NSL1: variants seen among roughly 807,000 people sequenced by gnomAD.
The protein encoded by NSL1 is NSL1 component of MIS12 kinetochore complex.
In NSL1, 11 loss-of-function variants were observed where a neutral mutation model predicts 25.4. That is an observed-to-expected ratio of 0.43 (90% CI 0.27 to 0.72). The LOEUF (loss-of-function observed/expected upper bound fraction) is 0.72, where lower values mean the gene tolerates loss of function less well. Among genes scored for constraint, NSL1 ranks in the 30% least tolerant of loss-of-function variants. The pLI is 0.19. For missense variants in NSL1, 330 were observed against 342.7 expected, an observed-to-expected ratio of 0.96 and a Z score of 0.29; for synonymous variants, 118 against 120.6, an observed-to-expected ratio of 0.98 and a Z score of 0.14.
At chr1:212,771,901 CTTG>C (rs1348459101) in intron 4 of NSL1, among the ~76,000 whole-genome samples, 19 of 152,304 alleles carry the variant, frequency 1.2e-4, no homozygotes, top group African/African-American at 4.6e-4. Flanking sequence ...CAAATCTCAT[CTTG>C]AATTGTAGCT....
chr1:212,755,369 T>C (rs1427736571), intron 4 of NSL1, among the ~76,000 whole-genome samples: 1 of 151,922 alleles, frequency 6.6e-6, no homozygotes, highest in Non-Finnish European at 1.5e-5. Flanking sequence ...TATATGGAGA[T>C]GTTAATGGAA....
At chr1:212,740,970 AAGTT>A (rs2102430415) in intron 4 of NSL1, among the ~76,000 whole-genome samples, 1 of 152,348 alleles carries the variant, frequency 6.6e-6, no homozygotes, top group East Asian at 1.9e-4. Context: ...AACAGAAAGA[AAGTT>A]AGTGATACTG....
At position 212,728,769 on chromosome 1, in the gene NSL1, G is replaced by A. The variant is rs762364588; in HGVS notation, c.*9639C>T. The A allele has an allele frequency of 6.5e-5, 64 of 985,232 alleles. No individual in the cohort carries two copies. The highest frequency in any genetic ancestry group is 7.6e-5 in the Non-Finnish European group (63 of 829,922). The allele number at this position is 985,232 out of a possible 1,614,324, so 61.0% of individuals were successfully genotyped here. ...ACCGTCCCCTTTGTTGCCACATCTC[G>A]CAGCTTCTCCCTTCTGTTTTTCCTC... On this transcript the variant is annotated 3_prime_UTR_variant, in exon 6 of 6. Transcript: ENST00000366977.
At chr1:212,767,417 A>G (rs1284579379) in intron 4 of NSL1, among the ~76,000 whole-genome samples, 1 of 152,190 alleles carries the variant, frequency 6.6e-6, no homozygotes, top group African/African-American at 2.4e-5. Flanking sequence ...ACAAAAATCG[A>G]CTCAAGATCG....
intron 4 of NSL1, among the ~76,000 whole-genome samples, chr1:212,776,725 ACAAC>A (rs1192438790): frequency 2.0e-5 from 3 of 149,248 alleles, no homozygotes; most frequent in African/African-American, 7.6e-5. Context: ...AAACAAAACA[ACAAC>A]AACAACAACA....
Position 212,732,598 on chromosome 1 carries a change from T to C in NSL1, c.*5810A>G, listed in dbSNP as rs1571856222. 1.0e-6 allele frequency: 1 copy of C among 984,974 alleles called. No individual in the cohort carries two copies. Among genetic ancestry groups the C allele is most frequent in the Non-Finnish European group, 1.2e-6 (1 of 829,678 alleles). 61.0% of individuals were successfully genotyped at this position (984,974 alleles called of 1,614,324 possible). On this transcript the variant is annotated 3_prime_UTR_variant, in exon 6 of 6. Coordinates refer to ENST00000366977, the MANE Select transcript of NSL1 (RefSeq NM_015471.4). ...TGTGAGCCACCGCACCCGGCCTACA[T>C]AGTCTTATTCCAACCTGGTCTGCCT...
Position 212,737,925 on chromosome 1 carries a change from C to T in NSL1, c.*483G>A. 1.0e-6 allele frequency: 1 copy of T among 985,444 alleles called. No individual in the cohort carries two copies. Among genetic ancestry groups the T allele is most frequent in the Non-Finnish European group, 1.2e-6 (1 of 830,098 alleles). 61.0% of individuals were successfully genotyped at this position (985,444 alleles called of 1,614,324 possible). A position where few individuals can be genotyped will look rare whatever the true frequency, so the allele number is the denominator to read the frequency against. On this transcript the variant is annotated 3_prime_UTR_variant, in exon 6 of 6. Transcript: ENST00000366977. The stretch of plus-strand genomic sequence containing the variant: ...TCATCAGCACATTAATTTGATAAAT[C>T]AAACTACATCTTTAAAAAAAAACCC...
intron 4 of NSL1, among the ~76,000 whole-genome samples, chr1:212,752,871 C>T (rs1171774081): frequency 6.9e-6 from 1 of 145,426 alleles, no homozygotes; most frequent in Non-Finnish European, 1.5e-5. Flanking sequence ...AAAAGCCTGC[C>T]CAAATTCAGA....
Position 212,729,895 on chromosome 1 carries a change from G to C in NSL1, c.*8513C>G. The C allele has an allele frequency of 1.0e-6, 1 of 985,340 alleles. No homozygotes were observed. Among genetic ancestry groups the C allele is most frequent in the Admixed American group, 6.1e-5 (1 of 16,270 alleles). The allele number at this position is 985,340 out of a possible 1,614,324, so 61.0% of individuals were successfully genotyped here. A position where few individuals can be genotyped will look rare whatever the true frequency, so the allele number is the denominator to read the frequency against. ...TGACCCAGGCAGCAAGGACCCTGAG[G>C]GGGCAGGTAACCAGAAGCTGCCTTG... On this transcript the variant is annotated 3_prime_UTR_variant, in exon 6 of 6. Coordinates refer to ENST00000366977, the MANE Select transcript of NSL1 (RefSeq NM_015471.4).
In NSL1 at chr1:212,761,288, C is replaced by T. The variant is rs547832187; in HGVS notation, c.499+21084G>A. Among the ~76,000 whole-genome samples, 41 of 152,206 alleles carry T rather than the reference C, an allele frequency of 2.7e-4. No homozygotes were observed. In the South Asian group the frequency reaches 7.3e-3, roughly 27 times the overall value. ...CTATAGGACAGGCATTGTGGCTCAC[C>T]CCTGTAATCCTAGCATTTTGGGAGG... On this transcript the variant is annotated intron_variant, in intron 4 of 5. Transcript: ENST00000366977.
chr1:212,757,662 T>C (rs1314693711), intron 4 of NSL1, among the ~76,000 whole-genome samples: 1 of 151,902 alleles, frequency 6.6e-6, no homozygotes, highest in Non-Finnish European at 1.5e-5. Flanking sequence ...AGCTCTCAGG[T>C]GAATTCAGAG....
chr1:212,741,099 T>C (rs1658481469), intron 4 of NSL1, among the ~76,000 whole-genome samples: 1 of 152,214 alleles, frequency 6.6e-6, no homozygotes, highest in African/African-American at 2.4e-5. Flanking sequence ...AGGAGGGTCC[T>C]AAGGATCCTT....
chr1:212,737,614 T>A lies in NSL1; in HGVS notation c.*794A>T. On this transcript the variant is annotated 3_prime_UTR_variant, in exon 6 of 6. Coordinates refer to ENST00000366977, the MANE Select transcript of NSL1 (RefSeq NM_015471.4). ...AAATAGTTCAATAACACAATGACAC[T>A]TTGCCAGTGTATTAATCTGATATAT... 1.1e-6 allele frequency: 1 copy of A among 949,472 alleles called. No homozygotes were observed. The highest frequency in any genetic ancestry group is 1.3e-6 in the Non-Finnish European group (1 of 797,054). The allele number at this position is 949,472 out of a possible 1,614,324, so 58.8% of individuals were successfully genotyped here.
intron 4 of NSL1, among the ~76,000 whole-genome samples, chr1:212,770,239 A>G (rs11808846): frequency 0.23 from 34,497 of 152,088 alleles, 4,629 homozygotes; most frequent in African/African-American, 0.38. Flanking sequence ...AATAGTAGTC[A>G]AGGACTTCAA....
rs1030371120 is a variant in NSL1, at chr1:212,736,575, G to A, written c.*1833C>T. ...TTTTCTTAGTTAATAATGCTAATAC[G>A]TACTGTCTTTCCCAGTGGTATTTCT... On this transcript the variant is annotated 3_prime_UTR_variant, in exon 6 of 6. Coordinates refer to ENST00000366977, the MANE Select transcript of NSL1 (RefSeq NM_015471.4). 4.2e-5 allele frequency: 41 copies of A among 984,770 alleles called. No homozygotes were observed. The highest frequency in any genetic ancestry group is 1.4e-4 in the South Asian group (3 of 21,280). 61.0% of individuals were successfully genotyped at this position (984,770 alleles called of 1,614,324 possible).
chr1:212,771,051 C>T (rs1158241276), intron 4 of NSL1, among the ~76,000 whole-genome samples: 2 of 152,184 alleles, frequency 1.3e-5, no homozygotes, highest in Admixed American at 6.5e-5. Context: ...CAGCAGCTCA[C>T]GCCTATAATC....
chr1:212,785,790 G>A (rs1259178537), intron 2 of NSL1, among the ~76,000 whole-genome samples: 1 of 152,162 alleles, frequency 6.6e-6, no homozygotes, highest in Non-Finnish European at 1.5e-5. Flanking sequence ...GCTCTGTTGT[G>A]TCAAAGTCTA....
rs750487500 is a variant in NSL1, at chr1:212,736,909, G to C, written c.*1499C>G. On this transcript the variant is annotated 3_prime_UTR_variant, in exon 6 of 6. Transcript: ENST00000366977. ...GACCATGTTCTTATATAATCAAAAT[G>C]CAAGTAGCTTATATAATCTAATAGA... is the stretch of plus-strand genomic sequence containing the variant. 3.9e-5 allele frequency: 38 copies of C among 984,094 alleles called. No homozygotes were observed. The highest frequency in any genetic ancestry group is 4.6e-5 in the Non-Finnish European group (38 of 828,764). 61.0% of individuals were successfully genotyped at this position (984,094 alleles called of 1,614,324 possible). A position where few individuals can be genotyped will look rare whatever the true frequency, so the allele number is the denominator to read the frequency against.
In NSL1 at chr1:212,730,163, C is replaced by A. The variant is rs1657954353; in HGVS notation, c.*8245G>T. The stretch of plus-strand genomic sequence containing the variant: ...TACTCGGGAGGCTAAGGCATGAGAA[C>A]CTCTTGAACCTGGGAGGTGGAGGTT... On this transcript the variant is annotated 3_prime_UTR_variant, in exon 6 of 6. Coordinates refer to ENST00000366977, the MANE Select transcript of NSL1 (RefSeq NM_015471.4). The A allele has an allele frequency of 4.4e-6, 4 of 909,684 alleles. No homozygotes were observed. The South Asian group carries it at 1.5e-4, about 35-fold the overall frequency. The allele number at this position is 909,684 out of a possible 1,614,324, so 56.4% of individuals were successfully genotyped here. A position where few individuals can be genotyped will look rare whatever the true frequency, so the allele number is the denominator to read the frequency against.
Sources: allele counts gnomAD v4.1 joint callset (sites outside exome capture counted in the v4.1 genomes callset), GRCh38; gene constraint gnomAD v4.1.1; transcripts MANE v1.5; gene names NCBI Gene and HGNC (gene_info 2026-07-23, HGNC 2026-07-21).